GJC1: variants seen among roughly 807,000 people sequenced by gnomAD.
GJC1 encodes gap junction protein gamma 1.
GJC1 carries 5 observed loss-of-function variants against 29.3 expected under a neutral mutation model. The observed-to-expected ratio is 0.17, with a 90% CI of 0.09 to 0.36. The LOEUF is 0.36. Among genes scored for constraint, GJC1 ranks in the 10% least tolerant of loss-of-function variants. The pLI, the probability that GJC1 is intolerant of heterozygous loss-of-function variation, is 1.00. For synonymous variants in GJC1, 177 were observed against 183.3 expected, an observed-to-expected ratio of 0.97 and a Z score of 0.28; for missense variants, 310 against 496.2, an observed-to-expected ratio of 0.62 and a Z score of 3.56.
chr17:44,823,285 C>T (rs369557400), intron 1 of GJC1, among the ~76,000 whole-genome samples: 1 of 128,478 alleles, frequency 7.8e-6, no homozygotes, highest in African/African-American at 3.0e-5. Flanking sequence ...CGGAGTGTTG[C>T]TCTGTCACCA....
intron 1 of GJC1, among the ~76,000 whole-genome samples, chr17:44,821,194 A>G (rs145951599): frequency 6.6e-6 from 1 of 152,302 alleles, no homozygotes; most frequent in East Asian, 1.9e-4. Flanking sequence ...TAGGGATAAT[A>G]TATTCATTCA....
upstream of GJC1, among the ~76,000 whole-genome samples, chr17:44,831,011 G>A: frequency 6.6e-6 from 1 of 152,202 alleles, no homozygotes; most frequent in African/African-American, 2.4e-5. Context: ...AAGACTTTGG[G>A]TAATAAAGGA....
At chr17:44,826,898 T>C (rs1436310749) in intron 1 of GJC1, among the ~76,000 whole-genome samples, 1 of 152,210 alleles carries the variant, frequency 6.6e-6, no homozygotes, top group Non-Finnish European at 1.5e-5. Context: ...GAAAAACAAC[T>C]GTTGCCATTC....
At chr17:44,813,883 C>T (rs912851931) in intron 1 of GJC1, among the ~76,000 whole-genome samples, 22 of 152,122 alleles carry the variant, frequency 1.4e-4, no homozygotes, top group Non-Finnish European at 3.2e-4. Flanking sequence ...CATTAGTCCT[C>T]ATTTCTGTAA....
In GJC1 at chr17:44,829,553, T is replaced by C. The variant is rs2050207960; in HGVS notation, c.-97+509A>G. ...GGAGGCAGGAGTTCCAGCGGGGAGA[T>C]GCGGGAAGCCTCAGACGAGCCCGCA... On this transcript the variant is annotated intron_variant, in intron 1 of 2. Transcript: ENST00000592524. The C allele has an allele frequency of 5.9e-5, 9 of 152,032 alleles. No individual in the cohort carries two copies. In the South Asian group the frequency reaches 1.9e-3, roughly 32 times the overall value. The allele number at this position is 152,032 out of a possible 1,614,324, so 9.4% of individuals were successfully genotyped here.
intron 1 of GJC1, among the ~76,000 whole-genome samples, chr17:44,827,378 C>T (rs893267561): frequency 1.3e-5 from 2 of 152,000 alleles, no homozygotes; most frequent in African/African-American, 4.8e-5. Context: ...TTTTTCTTTG[C>T]CTAAATTTTT....
At chr17:44,822,501 G>A (rs934011599) in intron 1 of GJC1, among the ~76,000 whole-genome samples, 21 of 151,838 alleles carry the variant, frequency 1.4e-4, no homozygotes, top group Middle Eastern at 3.4e-3. Context: ...AAATTAGCTG[G>A]GCGTGGTGGC....
downstream of GJC1, among the ~76,000 whole-genome samples, chr17:44,796,005 G>A (rs561727298): frequency 1.9e-4 from 29 of 152,334 alleles, no homozygotes; most frequent in African/African-American, 6.3e-4. Flanking sequence ...GGCGGCCCGG[G>A]CTCTCCTCTG....
At chr17:44,830,455 G>C (rs2050221639), upstream of GJC1, among the ~76,000 whole-genome samples, 1 of 152,140 alleles carries the variant, frequency 6.6e-6, no homozygotes, top group African/African-American at 2.4e-5. This position sits in a 1 kb window ranked among gnomAD's most constrained non-coding sequence, Gnocchi z 4.3. Flanking sequence ...CTCTCGGATA[G>C]TCCGGGACGC....
downstream of GJC1, chr17:44,794,470 C>G (rs540795275): frequency 6.6e-6 from 1 of 152,360 alleles, no homozygotes; most frequent in South Asian, 2.1e-4. Flanking sequence ...CCAGCAGCAG[C>G]TGGGTACAGG....
intron 1 of GJC1, among the ~76,000 whole-genome samples, chr17:44,826,160 G>C (rs993003712): frequency 1.3e-5 from 2 of 152,134 alleles, no homozygotes; most frequent in African/African-American, 4.8e-5. Context: ...GACCTCAGGT[G>C]ATCCACCCGC....
Position 44,801,599 on chromosome 17 carries a change from CTTTT to C in GJC1, c.*3024_*3027del, listed in dbSNP as rs777291440. ...AGCTAGACATCAACAGGCTCACTTT[CTTTT>C]TTTCTTTTTTTTTTTTTGAGACAAG... On this transcript the variant is annotated 3_prime_UTR_variant, in exon 3 of 3. Coordinates refer to ENST00000592524, the MANE Select transcript of GJC1 (RefSeq NM_005497.4). 7 of 150,780 alleles carry C rather than the reference CTTTT, an allele frequency of 4.6e-5. No homozygotes were observed. The highest frequency in any genetic ancestry group is 1.3e-4 in the Admixed American group (2 of 15,146). 9.3% of individuals were successfully genotyped at this position (150,780 alleles called of 1,614,324 possible).
intron 1 of GJC1, among the ~76,000 whole-genome samples, chr17:44,823,152 G>A: frequency 6.6e-6 from 1 of 151,822 alleles, no homozygotes; most frequent in South Asian, 2.1e-4. Context: ...ATAGTTTAGA[G>A]ATTAGAGGAT....
At chr17:44,821,705 A>C (rs1478893711) in intron 1 of GJC1, among the ~76,000 whole-genome samples, 1 of 62,946 alleles carries the variant, frequency 1.6e-5, no homozygotes, top group Non-Finnish European at 3.8e-5. Flanking sequence ...CTCAAAAAAA[A>C]AAAAAAAAAA....
Position 44,803,133 on chromosome 17 carries a change from A to G in GJC1, c.*1494T>C, listed in dbSNP as rs1188619499. 1 of 152,220 alleles carries G rather than the reference A, an allele frequency of 6.6e-6. No homozygotes were observed. The highest frequency in any genetic ancestry group is 1.5e-5 in the Non-Finnish European group (1 of 68,050). The allele number at this position is 152,220 out of a possible 1,614,324, so 9.4% of individuals were successfully genotyped here. On this transcript the variant is annotated 3_prime_UTR_variant, in exon 3 of 3. Coordinates refer to ENST00000592524, the MANE Select transcript of GJC1 (RefSeq NM_005497.4). The stretch of plus-strand genomic sequence containing the variant: ...ATGGAGAACTGGCATTTTACAATTA[A>G]GATATAAAAAATATTCATACTTTCA...
At chr17:44,815,360 A>C (rs2050030357) in intron 1 of GJC1, among the ~76,000 whole-genome samples, 1 of 152,138 alleles carries the variant, frequency 6.6e-6, no homozygotes, top group Admixed American at 6.6e-5. Context: ...ATCTTCGTGA[A>C]TATATCCTAA....
Position 44,801,990 on chromosome 17 carries a change from A to G in GJC1, c.*2637T>C, listed in dbSNP as rs2049853387. 1 of 152,228 alleles carries G rather than the reference A, an allele frequency of 6.6e-6. No homozygotes were observed. Among genetic ancestry groups the G allele is most frequent in the South Asian group, 2.1e-4 (1 of 4,824 alleles). 9.4% of individuals were successfully genotyped at this position (152,228 alleles called of 1,614,324 possible). A position where few individuals can be genotyped will look rare whatever the true frequency, so the allele number is the denominator to read the frequency against. On this transcript the variant is annotated 3_prime_UTR_variant, in exon 3 of 3. Transcript: ENST00000592524. ...ATGCTTCAAAGGCAGAAAGACATGT[A>G]CTAAGAAGGCAGTTAGAGCTGGAAA... is the stretch of plus-strand genomic sequence containing the variant.
chr17:44,797,096 T>C (rs1244579985), downstream of GJC1, among the ~76,000 whole-genome samples: 1 of 151,920 alleles, frequency 6.6e-6, no homozygotes, highest in African/African-American at 2.4e-5. Context: ...CTCTCTGTTA[T>C]ATATATTTTT....
intron 1 of GJC1, among the ~76,000 whole-genome samples, chr17:44,810,528 C>T (rs1476461222): frequency 6.6e-6 from 1 of 152,104 alleles, no homozygotes; most frequent in Admixed American, 6.6e-5. Flanking sequence ...TCCTAAGAGC[C>T]ACAGAGTATG....
Sources: gnomAD v4.1 joint callset for allele counts (sites outside exome capture counted in the v4.1 genomes callset) on GRCh38, gnomAD v4.1.1 for gene constraint, Gnocchi (gnomAD v3.1) non-coding constraint, MANE v1.5 for transcripts, NCBI Gene and HGNC (gene_info 2026-07-23, HGNC 2026-07-21) for gene names.